SNX24: variants seen among roughly 807,000 people sequenced by gnomAD.
The protein encoded by SNX24 is sorting nexin 24, also known as sorting nexin-24.
Under a neutral mutation model 28.7 loss-of-function variants are expected in SNX24, and 22 were observed. The observed-to-expected ratio is 0.77, with a 90% CI of 0.55 to 1.10. SNX24 has a LOEUF of 1.10. Ranked by LOEUF, SNX24 falls within the 50% of genes least tolerant of loss-of-function variation. The pLI, the probability that SNX24 is intolerant of heterozygous loss-of-function variation, is 0.00. For missense variants in SNX24, 221 were observed against 201.1 expected (o/e 1.10, Z -0.60); for synonymous variants, 69 against 71.5 (o/e 0.96, Z 0.18).
chr5:122,973,620 A>T (rs1761045797), intron 3 of SNX24, among the ~76,000 whole-genome samples: 1 of 152,164 alleles, frequency 6.6e-6, no homozygotes, highest in African/African-American at 2.4e-5. Context: ...CTCAAGCCTG[A>T]TTACGTATAT....
chr5:123,009,989 C>T (rs383262), downstream of SNX24, among the ~76,000 whole-genome samples: 33,930 of 152,174 alleles, frequency 0.22, 4,830 homozygotes, highest in Non-Finnish European at 0.33. Context: ...CCATGAGATA[C>T]GGAGCTCCCA....
chr5:122,980,298 C>T (rs1157096173), intron 3 of SNX24, among the ~76,000 whole-genome samples: 2 of 152,096 alleles, frequency 1.3e-5, no homozygotes, highest in African/African-American at 2.4e-5. Flanking sequence ...TTCTCACAAC[C>T]AACCTGTTAG....
intron 3 of SNX24, among the ~76,000 whole-genome samples, chr5:122,969,803 C>CG (rs1760876797): frequency 6.6e-6 from 1 of 152,120 alleles, no homozygotes; most frequent in African/African-American, 2.4e-5. Context: ...TTATATTCCA[C>CG]ATCCATTACC....
At chr5:122,946,188 A>G (rs776799450) in intron 3 of SNX24, 29 bp downstream of exon 3, 21 of 1,254,134 alleles carry the variant, frequency 1.7e-5, no homozygotes, top group Non-Finnish European at 2.0e-5. Flanking sequence ...CTCATTTTAT[A>G]TAACATAAAT....
At chr5:122,927,219 G>T (rs1025520897) in intron 1 of SNX24, among the ~76,000 whole-genome samples, 1 of 152,182 alleles carries the variant, frequency 6.6e-6, no homozygotes, top group Non-Finnish European at 1.5e-5. Context: ...CCAAATCATA[G>T]AGTATTAGCA....
intron 3 of SNX24, among the ~76,000 whole-genome samples, chr5:122,977,529 T>C (rs1761216872): frequency 6.6e-6 from 1 of 152,196 alleles, no homozygotes; most frequent in African/African-American, 2.4e-5. Context: ...ATGGCTGTGC[T>C]GTAGAAAATC....
intron 6 of SNX24, among the ~76,000 whole-genome samples, chr5:123,004,873 C>G (rs548118682): frequency 2.1e-5 from 3 of 141,586 alleles, no homozygotes; most frequent in African/African-American, 7.3e-5. Context: ...GCCCCTCTAC[C>G]CATTCACAAT....
intron 3 of SNX24, among the ~76,000 whole-genome samples, chr5:122,985,983 G>A (rs1442363372): frequency 6.6e-6 from 1 of 152,168 alleles, no homozygotes; most frequent in Non-Finnish European, 1.5e-5. Flanking sequence ...CACTCTGAAG[G>A]AAACAAATAA....
At chr5:122,926,463 C>T (rs969341137) in intron 1 of SNX24, among the ~76,000 whole-genome samples, 12 of 152,192 alleles carry the variant, frequency 7.9e-5, no homozygotes, top group African/African-American at 2.9e-4. Context: ...AGGGAAGACA[C>T]TTCAGATTTA....
chr5:122,966,275 T>C (rs1760709152), intron 3 of SNX24, among the ~76,000 whole-genome samples: 1 of 152,230 alleles, frequency 6.6e-6, no homozygotes, highest in South Asian at 2.1e-4. Context: ...TTTTTCTTTT[T>C]TTTATTATTA....
chr5:123,000,018 G>T lies in SNX24; in HGVS notation c.344+12G>T, dbSNP rs767252858. 1 of 1,503,820 alleles carries T rather than the reference G, an allele frequency of 6.6e-7. No homozygotes were observed. The highest frequency in any genetic ancestry group is 9.3e-7 in the Non-Finnish European group (1 of 1,079,838). The allele number at this position is 1,503,820 out of a possible 1,614,324, so 93.2% of individuals were successfully genotyped here. A position where few individuals can be genotyped will look rare whatever the true frequency, so the allele number is the denominator to read the frequency against. On this transcript the variant is annotated intron_variant, in intron 4 of 6. Transcript: ENST00000261369. ...GCAGAAAGTTGTGGGTAAGAATCAT[G>T]TTTGCATATTGGATGTGTATTTTAA...
At chr5:122,926,801 T>C (rs1758718980) in intron 1 of SNX24, among the ~76,000 whole-genome samples, 1 of 152,192 alleles carries the variant, frequency 6.6e-6, no homozygotes, top group Non-Finnish European at 1.5e-5. Context: ...CGTGTGCTCA[T>C]CAGGCCTCAT....
At chr5:122,950,026 C>A (rs192273797) in intron 3 of SNX24, among the ~76,000 whole-genome samples, 2 of 152,146 alleles carry the variant, frequency 1.3e-5, no homozygotes, top group East Asian at 3.9e-4. Flanking sequence ...TGTTTTCTTA[C>A]CTCTTTCCCC....
intron 1 of SNX24, among the ~76,000 whole-genome samples, chr5:122,881,220 A>AT (rs560330528): frequency 1.8e-3 from 111 of 60,320 alleles, no homozygotes; most frequent in African/African-American, 0.014. Flanking sequence ...ATGTTTTATG[A>AT]TTTTTTTTAA....
chr5:122,893,409 G>C (rs893384369), intron 1 of SNX24, among the ~76,000 whole-genome samples: 2 of 151,950 alleles, frequency 1.3e-5, no homozygotes, highest in Non-Finnish European at 2.9e-5. Flanking sequence ...ATGGTATGTA[G>C]AAACCAAGAT....
chr5:122,884,307 A>G (rs1756609656), intron 1 of SNX24, among the ~76,000 whole-genome samples: 1 of 125,438 alleles, frequency 8.0e-6, no homozygotes, highest in African/African-American at 3.1e-5. Flanking sequence ...GCTAGAGTGC[A>G]GTGGTGCAAT....
intron 5 of SNX24, among the ~76,000 whole-genome samples, chr5:123,014,920 T>G (rs1762654690): frequency 6.6e-6 from 1 of 152,224 alleles, no homozygotes; most frequent in South Asian, 2.1e-4. Flanking sequence ...CTTCAAAGGC[T>G]GACTCATTCT....
intron 3 of SNX24, among the ~76,000 whole-genome samples, chr5:122,980,479 A>G (rs748519971): frequency 3.3e-5 from 5 of 152,226 alleles, no homozygotes; most frequent in Non-Finnish European, 5.9e-5. Context: ...CTCTGGCAAT[A>G]AAGAGTTTGG....
At chr5:122,886,284 T>C (rs1480177032) in intron 1 of SNX24, among the ~76,000 whole-genome samples, 1 of 152,194 alleles carries the variant, frequency 6.6e-6, no homozygotes, top group African/African-American at 2.4e-5. Flanking sequence ...GAAGAGAATG[T>C]GAATTTTAAT....
Sources: gnomAD v4.1 joint callset for allele counts (sites outside exome capture counted in the v4.1 genomes callset) on GRCh38, gnomAD v4.1.1 for gene constraint, MANE v1.5 for transcripts, NCBI Gene and HGNC (gene_info 2026-07-23, HGNC 2026-07-21) for gene names.